The following DIPK2B variants were observed in gnomAD, a reference collection of about 807,000 sequenced individuals.
DIPK2B encodes divergent protein kinase domain 2B.
In DIPK2B, 15 loss-of-function variants were observed where a neutral mutation model predicts 22.2. The ratio of observed to expected loss-of-function variants is 0.68; its 90% CI spans 0.45 to 1.04. DIPK2B has a LOEUF of 1.04. Among genes scored for constraint, DIPK2B ranks in the 50% least tolerant of loss-of-function variants. The pLI, the probability that DIPK2B is intolerant of heterozygous loss-of-function variation, is 0.00. For synonymous variants in DIPK2B, 163 were observed against 153.2 expected (o/e 1.06, Z -0.47); for missense variants, 345 against 348.3 (o/e 0.99, Z 0.08).
chrX:45,192,776 C>CTTAT (rs1393704871), intron 1 of DIPK2B, among the ~76,000 whole-genome samples: 2 of 110,865 alleles, frequency 1.8e-5, no homozygotes, highest in Non-Finnish European at 1.9e-5. Context: ...GAGGCATTGG[C>CTTAT]TTATTTATTT....
chrX:45,162,742 C>T lies in DIPK2B; in HGVS notation c.499-4854G>A, dbSNP rs1007570709. ...ATAAAAAGATAACCAAACCCTGGAC[C>T]TCTGTTGCCCCTCTCTCTCCCGTGC... On this transcript the variant is annotated intron_variant, in intron 2 of 4. Coordinates refer to ENST00000398000, the MANE Select transcript of DIPK2B (RefSeq NM_176819.4). 3 of 752,816 alleles carry T rather than the reference C, an allele frequency of 4.0e-6. No homozygotes were observed. The African/African-American group carries it at 6.9e-5, about 17-fold the overall frequency. The allele number at this position is 752,816 out of a possible 1,213,427, so 62.0% of individuals were successfully genotyped here. A position where few individuals can be genotyped will look rare whatever the true frequency, so the allele number is the denominator to read the frequency against.
chrX:45,162,579 C>A (rs1233867586), intron 2 of DIPK2B: 2 of 752,684 alleles, frequency 2.7e-6, no homozygotes, highest in African/African-American at 4.6e-5. Flanking sequence ...GGAAACCAAC[C>A]ATTTCCAATA....
chrX:45,158,187 G>A (rs1249623098), intron 2 of DIPK2B, among the ~76,000 whole-genome samples: 6 of 109,966 alleles, frequency 5.5e-5, no homozygotes, highest in Non-Finnish European at 1.1e-4. Flanking sequence ...GGCTACACTC[G>A]GGGCGGGGCC....
chrX:45,196,947 ATG>A (rs2047241962), intron 1 of DIPK2B, among the ~76,000 whole-genome samples: 1 of 112,289 alleles, frequency 8.9e-6, no homozygotes, highest in Non-Finnish European at 1.9e-5. Context: ...TATGGGCAGT[ATG>A]TGATTCATCC....
At position 45,154,118 on chromosome X, in the gene DIPK2B, TCTGGTG is replaced by T. The variant is rs763761653; in HGVS notation, c.747_752del (p.Ser249_Thr250del). 3.6e-5 allele frequency: 43 copies of T among 1,210,833 alleles called. No homozygotes were observed. The South Asian group carries it at 7.4e-4, about 21-fold the overall frequency. On this transcript the variant is annotated inframe_deletion, in exon 4 of 5. Coordinates refer to ENST00000398000, the MANE Select transcript of DIPK2B (RefSeq NM_176819.4). The stretch of plus-strand genomic sequence containing the variant: ...GTGCATCATAGAATTCCTGCAGCGG[TCTGGTG>T]CTGGTGCTGACGAGGAATCTGCCAC...
chrX:45,169,208 C>A (rs768287728), intron 2 of DIPK2B, among the ~76,000 whole-genome samples: 2 of 111,812 alleles, frequency 1.8e-5, no homozygotes, highest in African/African-American at 6.5e-5. Context: ...CGGTACCCAC[C>A]TCATGAGGGC....
At chrX:45,178,177 G>A (rs897956455) in intron 2 of DIPK2B, among the ~76,000 whole-genome samples, 1 of 111,975 alleles carries the variant, frequency 8.9e-6, no homozygotes, top group Admixed American at 9.5e-5. Context: ...CAGTTCCCTT[G>A]GTATATGCTG....
rs969899881 is a variant in DIPK2B at position 45,149,775 on chromosome X, C to G, written c.*1877G>C. On this transcript the variant is annotated 3_prime_UTR_variant, in exon 5 of 5. Coordinates refer to ENST00000398000, the MANE Select transcript of DIPK2B (RefSeq NM_176819.4). Reference sequence around the variant, plus strand: ...GGACCTTCTCTCCTTCACTGGGGCTCAGCTTGCAGGGGTTCTAGAAATATC... The same window carrying G: ...GGACCTTCTCTCCTTCACTGGGGCTGAGCTTGCAGGGGTTCTAGAAATATC... 6.2e-5 allele frequency: 7 copies of G among 112,692 alleles called. No homozygotes were observed. The highest frequency in any genetic ancestry group is 2.3e-4 in the African/African-American group (7 of 30,869). The allele number at this position is 112,692 out of a possible 1,213,427, so 9.3% of individuals were successfully genotyped here.
At chrX:45,183,106 C>CTT (rs1409568024) in intron 2 of DIPK2B, 1 of 112,119 alleles carries the variant, frequency 8.9e-6, no homozygotes, top group African/African-American at 3.2e-5. Flanking sequence ...GCAGTTTATA[C>CTT]TTTAATTGAA....
chrX:45,151,970 T>C lies in DIPK2B; in HGVS notation c.984A>G (p.Ala328=), dbSNP rs374915271. Residue 328 remains alanine, a synonymous_variant, in exon 5 of 5, where the codon GCA becomes GCG. Transcript: ENST00000398000. ...AGCTAAAAATGTCTTTATTCTCTCC[T>C]GCCCTGTTGGCTTCTTGGCTGCCTA... is the stretch of plus-strand genomic sequence containing the variant. ...KQEGSQEANR[A]GENKDIFSCL... 1.6e-4 allele frequency: 186 copies of C among 1,176,326 alleles called. 1 individual carries two copies. The African/African-American group carries it at 3.0e-3, about 19-fold the overall frequency.
chrX:45,196,339 G>A (rs1044356117), intron 1 of DIPK2B, among the ~76,000 whole-genome samples: 7 of 111,381 alleles, frequency 6.3e-5, no homozygotes, highest in South Asian at 3.8e-4. Flanking sequence ...CTGACTGAAC[G>A]TGTAGATGGA....
At chrX:45,186,050 T>C (rs1173625927) in intron 2 of DIPK2B, among the ~76,000 whole-genome samples, 1 of 112,153 alleles carries the variant, frequency 8.9e-6, no homozygotes, top group Non-Finnish European at 1.9e-5. Context: ...TATGAGACTG[T>C]GACACAATGG....
At chrX:45,185,275 C>G (rs1032141892) in intron 2 of DIPK2B, among the ~76,000 whole-genome samples, 2 of 112,077 alleles carry the variant, frequency 1.8e-5, no homozygotes. Context: ...TCACACTTAA[C>G]GGCAAAAGCA....
At chrX:45,169,226 G>A (rs1405882612) in intron 2 of DIPK2B, among the ~76,000 whole-genome samples, 1 of 111,858 alleles carries the variant, frequency 8.9e-6, no homozygotes, top group African/African-American at 3.3e-5. Context: ...GGCGTTGAGA[G>A]GGTCAAGGTT....
At chrX:45,172,678 G>C (rs2047089998) in intron 2 of DIPK2B, among the ~76,000 whole-genome samples, 1 of 111,914 alleles carries the variant, frequency 8.9e-6, no homozygotes, top group African/African-American at 3.3e-5. Context: ...TCTGGCAGGC[G>C]ATTCAGCTAA....
At chrX:45,177,541 C>T (rs746519367) in intron 2 of DIPK2B, among the ~76,000 whole-genome samples, 1 of 110,344 alleles carries the variant, frequency 9.1e-6, no homozygotes, top group Non-Finnish European at 1.9e-5. Flanking sequence ...CCTGCTACTG[C>T]CTCCCCTTCC....
chrX:45,172,202 A>C (rs1338245762), intron 2 of DIPK2B, among the ~76,000 whole-genome samples: 3 of 111,402 alleles, frequency 2.7e-5, no homozygotes, highest in Non-Finnish European at 5.7e-5. Context: ...GGCACAATAA[A>C]CCCCTTTTTC....
At chrX:45,156,099 TGA>T (rs2046993442) in intron 3 of DIPK2B, among the ~76,000 whole-genome samples, 1 of 107,648 alleles carries the variant, frequency 9.3e-6, no homozygotes, top group Admixed American at 1.0e-4. Context: ...CCTGAGTAGC[TGA>T]GATTGCAGGT....
Position 45,200,873 on chromosome X carries a change from C to A in DIPK2B, c.-47G>T. Reference sequence around the variant, plus strand: ...GCAGCCTCTGGCTGTCCACTCGAGGCTGTACAGAGGCAGGGCTTGGCCAAA... The same window carrying A: ...GCAGCCTCTGGCTGTCCACTCGAGGATGTACAGAGGCAGGGCTTGGCCAAA... On this transcript the variant is annotated 5_prime_UTR_variant, in exon 1 of 5. Transcript: ENST00000398000. 1 of 1,054,784 alleles carries A rather than the reference C, an allele frequency of 9.5e-7. No individual in the cohort carries two copies. Among genetic ancestry groups the A allele is most frequent in the Admixed American group, 2.8e-5 (1 of 35,563 alleles). The allele number at this position is 1,054,784 out of a possible 1,213,427, so 86.9% of individuals were successfully genotyped here.
Sources: gnomAD v4.1 joint callset for allele counts (sites outside exome capture counted in the v4.1 genomes callset) on GRCh38, gnomAD v4.1.1 for gene constraint, MANE v1.5 for transcripts, NCBI Gene and HGNC (gene_info 2026-07-23, HGNC 2026-07-21) for gene names.